The following WNT7B variants were observed in gnomAD, a reference collection of about 807,000 sequenced individuals.
WNT7B encodes protein Wnt-7b.
Under a neutral mutation model 38.2 loss-of-function variants are expected in WNT7B, and 19 were observed. That is an observed-to-expected ratio of 0.50 (90% CI 0.35 to 0.73). The LOEUF (loss-of-function observed/expected upper bound fraction) is 0.73. Ranked by LOEUF, WNT7B falls within the 30% of genes least tolerant of loss-of-function variation. The pLI is 0.01. For synonymous variants in WNT7B, 243 were observed against 209.3 expected (o/e 1.16, Z -1.39); for missense variants, 423 against 507.9 (o/e 0.83, Z 1.61).
chr22:45,952,065 A>G (rs973136185), intron 1 of WNT7B, among the ~76,000 whole-genome samples: 4 of 152,208 alleles, frequency 2.6e-5, no homozygotes, highest in South Asian at 2.1e-4. Flanking sequence ...GGGTTTCAGC[A>G]CAGCGCTTGG....
In WNT7B at chr22:45,922,699, G is replaced by T. The variant is rs1930961860; in HGVS notation, c.*157C>A. 8.2e-7 allele frequency: 1 copy of T among 1,225,076 alleles called. No homozygotes were observed. 75.9% of individuals were successfully genotyped at this position (1,225,076 alleles called of 1,614,324 possible). A position where few individuals can be genotyped will look rare whatever the true frequency, so the allele number is the denominator to read the frequency against. ...GGAGCCCCAGGGAGGCGGGCAGAGGGCGTGGGCCCCGGCCGGTGCCCTCCT... is the reference window on the plus strand; with the variant it reads ...GGAGCCCCAGGGAGGCGGGCAGAGGTCGTGGGCCCCGGCCGGTGCCCTCCT... On this transcript the variant is annotated 3_prime_UTR_variant, in exon 4 of 4. Transcript: ENST00000339464.
intron 2 of WNT7B, chr22:45,936,194 A>C: frequency 1.0e-6 from 1 of 983,766 alleles, no homozygotes; most frequent in African/African-American, 1.7e-5. Flanking sequence ...GTGCCTCGGC[A>C]AGTTACCAGC....
chr22:45,944,699 A>C (rs1039088046), intron 2 of WNT7B, among the ~76,000 whole-genome samples: 1 of 152,294 alleles, frequency 6.6e-6, no homozygotes, highest in East Asian at 1.9e-4. Flanking sequence ...GCCTGGCCCC[A>C]TTGGCCTGTG....
Position 45,931,775 on chromosome 22 carries a change from C to T in WNT7B, c.299-406G>A, listed in dbSNP as rs1431208500. ...GGGGATGGGTGTCCATGCCTCTGCT[C>T]CTCCCCTCTGCCAGCCTCCCAGGAG... On this transcript the variant is annotated intron_variant, in intron 2 of 3. Transcript: ENST00000339464. 2.0e-5 allele frequency among the ~76,000 whole-genome samples: 3 copies of T among 152,156 alleles called. No individual in the cohort carries two copies. In the South Asian group the frequency reaches 6.2e-4, roughly 32 times the overall value.
At position 45,931,733 on chromosome 22, in the gene WNT7B, G is replaced by A. The variant is rs535010622; in HGVS notation, c.299-364C>T. ...AGTTTCTCCAGCCCTGAGAGTGACT[G>A]GTGGGGACCTGTGGAGGGGGATGGG... is the stretch of plus-strand genomic sequence containing the variant. On this transcript the variant is annotated intron_variant, in intron 2 of 3. Coordinates refer to ENST00000339464, the MANE Select transcript of WNT7B (RefSeq NM_058238.3). Among the ~76,000 whole-genome samples the A allele has an allele frequency of 1.1e-4, 17 of 152,284 alleles. No individual in the cohort carries two copies. In the East Asian group the frequency reaches 1.9e-3, roughly 17 times the overall value.
chr22:45,941,135 G>A (rs1931635925), intron 2 of WNT7B, among the ~76,000 whole-genome samples: 1 of 152,204 alleles, frequency 6.6e-6, no homozygotes, highest in South Asian at 2.1e-4. Flanking sequence ...TAGAGGAGGT[G>A]AAAAGCTGCC....
intron 3 of WNT7B, chr22:45,925,355 T>G: frequency 1.0e-6 from 1 of 985,276 alleles, no homozygotes; most frequent in Admixed American, 6.1e-5. Context: ...CTGGAGAGAC[T>G]GGGGAGACTG....
chr22:45,925,354 CTG>C, intron 3 of WNT7B: 1 of 985,308 alleles, frequency 1.0e-6, no homozygotes, highest in Non-Finnish European at 1.2e-6. Context: ...ACTGGAGAGA[CTG>C]GGGAGACTGG....
intron 1 of WNT7B, among the ~76,000 whole-genome samples, chr22:45,960,335 G>T (rs1214644245): frequency 6.6e-6 from 1 of 152,182 alleles, no homozygotes; most frequent in African/African-American, 2.4e-5. Flanking sequence ...CTCTGGGAGT[G>T]CCCAGACTCT....
At chr22:45,935,877 A>C (rs1449661053) in intron 2 of WNT7B, 1 of 985,096 alleles carries the variant, frequency 1.0e-6, no homozygotes, top group Non-Finnish European at 1.2e-6. Context: ...GGTGATGGGG[A>C]AGCTGGATGA....
rs543029404 is a variant in WNT7B, at chr22:45,921,823, C to A, written c.*1033G>T. ...TCACCCAAGTTGGAATACAGTGGCA[C>A]AATCTTGGCTCATTGCAACCTCCAC... On this transcript the variant is annotated 3_prime_UTR_variant, in exon 4 of 4. Transcript: ENST00000339464. The A allele has an allele frequency of 4.8e-4, 73 of 152,324 alleles. No homozygotes were observed. Among genetic ancestry groups the A allele is most frequent in the African/African-American group, 1.6e-3 (68 of 41,550 alleles). The allele number at this position is 152,324 out of a possible 1,614,324, so 9.4% of individuals were successfully genotyped here.
At chr22:45,949,652 C>T (rs576649454) in intron 2 of WNT7B, among the ~76,000 whole-genome samples, 4 of 152,370 alleles carry the variant, frequency 2.6e-5, no homozygotes, top group South Asian at 4.1e-4. Context: ...CAAGGGCCCA[C>T]GGCCACGTCA....
chr22:45,940,359 C>T (rs986427039), intron 2 of WNT7B, among the ~76,000 whole-genome samples: 3 of 152,104 alleles, frequency 2.0e-5, no homozygotes, highest in Non-Finnish European at 4.4e-5. Context: ...TTGTGCTCAG[C>T]CCACTCCACA....
chr22:45,932,956 G>C (rs550800366), intron 2 of WNT7B, among the ~76,000 whole-genome samples: 28 of 152,226 alleles, frequency 1.8e-4, no homozygotes, highest in Admixed American at 1.8e-3. Context: ...GGCAAGTCAG[G>C]TCTGTTCTAT....
intron 2 of WNT7B, among the ~76,000 whole-genome samples, chr22:45,939,930 C>G (rs1032257315): frequency 2.0e-5 from 3 of 152,170 alleles, no homozygotes; most frequent in African/African-American, 7.2e-5. Context: ...CCCAGAGGAG[C>G]AGGAGTTGGA....
chr22:45,925,693 G>A (rs966567810), intron 3 of WNT7B: 2 of 985,034 alleles, frequency 2.0e-6, no homozygotes, highest in African/African-American at 1.7e-5. Context: ...AAGTGTCCCT[G>A]GCCCTGGCCA....
Position 45,975,524 on chromosome 22 carries a change from C to G in WNT7B, c.71+1160G>C, listed in dbSNP as rs1417252157. 3 of 716,520 alleles carry G rather than the reference C, an allele frequency of 4.2e-6. No individual in the cohort carries two copies. The highest frequency in any genetic ancestry group is 3.0e-5 in the South Asian group (2 of 67,456). 44.4% of individuals were successfully genotyped at this position (716,520 alleles called of 1,614,324 possible). A position where few individuals can be genotyped will look rare whatever the true frequency, so the allele number is the denominator to read the frequency against. ...AGCCACTGGCTTTGTCTCTGCAGGC[C>G]TTGGGCCTCAGTTTCTCCACCTGTA... On this transcript the variant is annotated intron_variant, in intron 1 of 3. Transcript: ENST00000339464. The surrounding 1 kb of genome is among the most constrained non-coding windows in gnomAD (Gnocchi z 6.6).
intron 1 of WNT7B, among the ~76,000 whole-genome samples, chr22:45,974,725 G>A (rs1244398657): frequency 6.6e-6 from 1 of 152,208 alleles, no homozygotes; most frequent in African/African-American, 2.4e-5. Context: ...CTCCCAGAGG[G>A]AGGCTGACAC....
chr22:45,943,413 G>A (rs1321374181), intron 2 of WNT7B, among the ~76,000 whole-genome samples: 1 of 152,260 alleles, frequency 6.6e-6, no homozygotes, highest in African/African-American at 2.4e-5. Flanking sequence ...AGGCCCCCAG[G>A]TGGGGACAGC....
Sources: gnomAD v4.1 joint callset for allele counts (sites outside exome capture counted in the v4.1 genomes callset) on GRCh38, gnomAD v4.1.1 for gene constraint, Gnocchi (gnomAD v3.1) non-coding constraint, MANE v1.5 for transcripts, NCBI Gene and HGNC (gene_info 2026-07-23, HGNC 2026-07-21) for gene names.